Variants in NTRK2 observed in about 807,000 individuals in gnomAD.
The protein encoded by NTRK2 is neurotrophic receptor tyrosine kinase 2.
NTRK2 carries 13 observed loss-of-function variants against 94.5 expected under a neutral mutation model. The observed-to-expected ratio is 0.14, with a 90% CI of 0.09 to 0.22. The LOEUF (loss-of-function observed/expected upper bound fraction) is 0.22, where lower values mean the gene tolerates loss of function less well. NTRK2 is among the 10% of genes least tolerant of loss of function. NTRK2 has a pLI of 1.00. For synonymous variants in NTRK2, 372 were observed against 407.4 expected (o/e 0.91, Z 1.05); for missense variants, 639 against 1,071.2 (o/e 0.60, Z 5.63).
chr9:84,875,994 A>G, intron 14 of NTRK2: 4 of 1,034,272 alleles, frequency 3.9e-6, no homozygotes, highest in Non-Finnish European at 4.7e-6. Context: ...TCCCAGAAAG[A>G]AAACAATAAT....
intron 2 of NTRK2, among the ~76,000 whole-genome samples, chr9:84,691,139 A>G (rs1237791201): frequency 6.6e-6 from 1 of 152,246 alleles, no homozygotes; most frequent in Admixed American, 6.5e-5. Flanking sequence ...ATTATTAGGA[A>G]GGAGAATGCC....
intron 14 of NTRK2, chr9:84,871,816 G>A: frequency 1.2e-6 from 2 of 1,613,774 alleles, no homozygotes; most frequent in South Asian, 1.1e-5. Flanking sequence ...AAGACCGCCT[G>A]ATAATAATTT....
chr9:84,729,251 T>C (rs532746755), intron 9 of NTRK2, among the ~76,000 whole-genome samples: 4 of 152,382 alleles, frequency 2.6e-5, no homozygotes, highest in African/African-American at 7.2e-5. Flanking sequence ...GCTTAGTATA[T>C]TCAAAATGTG....
At chr9:84,713,226 A>G (rs1588116296) in intron 6 of NTRK2, among the ~76,000 whole-genome samples, 1 of 151,060 alleles carries the variant, frequency 6.6e-6, no homozygotes, top group East Asian at 1.9e-4. Flanking sequence ...TCCTTTGTCT[A>G]TTTTTCTGTA....
In NTRK2 at chr9:85,021,378, C is replaced by T. The variant is rs1832769090; in HGVS notation, c.2458C>T (p.His820Tyr). The T allele has an allele frequency of 6.2e-7, 1 of 1,614,176 alleles. No individual in the cohort carries two copies. Among genetic ancestry groups the T allele is most frequent in the Non-Finnish European group, 8.5e-7 (1 of 1,180,020 alleles). ...CATGAGGAAGAACATCAAGGGCATC[C>T]ATACCCTCCTTCAGAACTTGGCCAA... ...PHMRKNIKGI[H>Y]TLLQNLAKAS... Residue 820 changes from histidine to tyrosine, a missense_variant, in exon 19 of 19, where the codon CAT (histidine) becomes TAT (tyrosine). Around this residue, in one of 5 missense-constraint regions of NTRK2, gnomAD observed 77 missense variants for 203.6 expected, o/e 0.38. Transcript: ENST00000277120.
At chr9:84,742,948 G>A (rs1479368967) in intron 10 of NTRK2, among the ~76,000 whole-genome samples, 5 of 151,622 alleles carry the variant, frequency 3.3e-5, no homozygotes, top group Admixed American at 6.6e-5. Flanking sequence ...TTACAAGCAC[G>A]TGCCACCACA....
At chr9:84,870,355 A>ATATATATATATG (rs2075813296) in intron 14 of NTRK2, among the ~76,000 whole-genome samples, 1 of 127,724 alleles carries the variant, frequency 7.8e-6, no homozygotes, top group Non-Finnish European at 1.7e-5. Flanking sequence ...ATATATATAT[A>ATATATATATATG]TATATATATA....
chr9:84,831,924 C>T (rs76344449), intron 12 of NTRK2, among the ~76,000 whole-genome samples: 4,322 of 152,214 alleles, frequency 0.028, 201 homozygotes, highest in African/African-American at 0.093. Context: ...TTAGCTCAGA[C>T]GGAAAGATCT....
chr9:84,702,065 C>A, intron 2 of NTRK2, 94 bp from the exon 3 acceptor site: 1 of 1,080,238 alleles, frequency 9.3e-7, no homozygotes, highest in Non-Finnish European at 1.4e-6. Context: ...GTGGAGGGAG[C>A]ACCTTGGACA....
chr9:84,962,884 T>C (rs1825121673), intron 17 of NTRK2, among the ~76,000 whole-genome samples: 1 of 152,198 alleles, frequency 6.6e-6, no homozygotes, highest in Admixed American at 6.5e-5. Context: ...TATGATCATA[T>C]CAGTTAGGAA....
chr9:84,706,527 G>GTTTTTTTTTTTTTTTTTTT (rs71369141), intron 4 of NTRK2, among the ~76,000 whole-genome samples: 12 of 81,676 alleles, frequency 1.5e-4, no homozygotes, highest in Admixed American at 3.6e-4. Flanking sequence ...TTTTGTTTTT[G>GTTTTTTTTTTTTTTTTTTT]TTTTTTTTTT....
At position 85,020,328 on chromosome 9, in the gene NTRK2, T is replaced by C. The variant is rs370180357; in HGVS notation, c.2295T>C (p.Tyr765=). The C allele has an allele frequency of 3.7e-6, 6 of 1,613,978 alleles. No homozygotes were observed. Among genetic ancestry groups the C allele is most frequent in the Non-Finnish European group, 5.1e-6 (6 of 1,180,020 alleles). ...TCGTGTTGTGGGAGATTTTCACCTA[T>C]GGCAAACAGCCCTGGTACCAGCTGT... is the stretch of plus-strand genomic sequence containing the variant. ...LGVVLWEIFT[Y]GKQPWYQLSN... Residue 765 remains tyrosine, a synonymous_variant, in exon 18 of 19, where the codon TAT becomes TAC. Coordinates refer to ENST00000277120, the MANE Select transcript of NTRK2 (RefSeq NM_006180.6).
intron 17 of NTRK2, among the ~76,000 whole-genome samples, chr9:84,970,397 A>AT (rs1265422817): frequency 6.6e-6 from 1 of 152,002 alleles, no homozygotes; most frequent in African/African-American, 2.4e-5. Context: ...AATAAAAATA[A>AT]TAAAAAATAA....
chr9:84,947,415 C>T (rs775977258), intron 15 of NTRK2, among the ~76,000 whole-genome samples: 16 of 152,222 alleles, frequency 1.1e-4, no homozygotes, highest in Non-Finnish European at 2.4e-4. Flanking sequence ...AGGAAGTGAA[C>T]AGCCTTGGCA....
chr9:84,686,835 A>C (rs534232211), intron 2 of NTRK2, among the ~76,000 whole-genome samples: 112 of 152,380 alleles, frequency 7.4e-4, no homozygotes, highest in Admixed American at 1.5e-3. Flanking sequence ...ACTGATAGAC[A>C]TATGAGATTA....
intron 2 of NTRK2, among the ~76,000 whole-genome samples, chr9:84,694,877 TG>T (rs2060267447): frequency 6.6e-6 from 1 of 151,952 alleles, no homozygotes. Flanking sequence ...AGATTAGATT[TG>T]ATAAAAATCT....
intron 12 of NTRK2, among the ~76,000 whole-genome samples, chr9:84,790,146 TCA>T (rs2068581015): frequency 1.3e-5 from 2 of 152,278 alleles, no homozygotes; most frequent in South Asian, 4.1e-4. Flanking sequence ...CAGTACTCTC[TCA>T]GAGAACACTT....
At chr9:84,740,770 C>T (rs1040402923) in intron 9 of NTRK2, among the ~76,000 whole-genome samples, 11 of 152,186 alleles carry the variant, frequency 7.2e-5, no homozygotes, top group African/African-American at 2.2e-4. Flanking sequence ...AGTTGAAATG[C>T]GTTACAATTC....
intron 17 of NTRK2, among the ~76,000 whole-genome samples, chr9:84,956,726 C>G (rs1824183180): frequency 6.6e-6 from 1 of 152,166 alleles, no homozygotes; most frequent in African/African-American, 2.4e-5. Flanking sequence ...TCCTGTTCCC[C>G]TTCCTGCAGT....
Sources: allele counts gnomAD v4.1 joint callset (sites outside exome capture counted in the v4.1 genomes callset), GRCh38; gene constraint gnomAD v4.1.1; regional missense constraint gnomAD v4.1.1; transcripts MANE v1.5; gene names NCBI Gene and HGNC (gene_info 2026-07-23, HGNC 2026-07-21).